SGMS2: variants seen among roughly 807,000 people sequenced by gnomAD.
SGMS2 encodes sphingomyelin synthase 2.
A neutral mutation model predicts 43.8 loss-of-function variants in SGMS2; 21 were observed. The observed-to-expected ratio is 0.48, with a 90% confidence interval of 0.34 to 0.69. SGMS2 has a LOEUF of 0.69. SGMS2 is among the 30% of genes least tolerant of loss of function. The pLI is 0.01. For missense variants in SGMS2, 384 were observed against 443.2 expected (o/e 0.87, Z 1.20); for synonymous variants, 167 against 160.6 (o/e 1.04, Z -0.30).
rs550805400 is a variant in SGMS2 at position 107,910,505 on chromosome 4, G to T, written c.1050G>T (p.Lys350Asn). The change falls in exon 7 of 7, where the codon AAG becomes AAT. Residue 350 changes from lysine to asparagine, a missense_variant. Coordinates refer to ENST00000690982, the MANE Select transcript of SGMS2 (RefSeq NM_001375905.1). ...GCTGCTTCAAATCATCATGCAAAAA[G>T]TATTCACGGGTTCAGAAGATTGGTG... ...PPGCFKSSCK[K>N]YSRVQKIGED... The T allele has an allele frequency of 2.5e-6, 4 of 1,613,902 alleles. No homozygotes were observed. Among genetic ancestry groups the T allele is most frequent in the Non-Finnish European group, 3.4e-6 (4 of 1,179,980 alleles).
chr4:107,893,358 T>C (rs1408928145), intron 2 of SGMS2: 4 of 152,058 alleles, frequency 2.6e-5, no homozygotes, highest in African/African-American at 7.2e-5. Flanking sequence ...TGAAGGGAAT[T>C]TGGATGATGA....
At chr4:107,893,843 C>G (rs1730442746) in intron 2 of SGMS2, among the ~76,000 whole-genome samples, 1 of 152,190 alleles carries the variant, frequency 6.6e-6, no homozygotes, top group African/African-American at 2.4e-5. Flanking sequence ...ACCTAGTGAT[C>G]AGCTCATCCC....
chr4:107,852,569 C>T (rs192262113), intron 1 of SGMS2, among the ~76,000 whole-genome samples: 5 of 152,188 alleles, frequency 3.3e-5, no homozygotes, highest in Admixed American at 1.3e-4. Flanking sequence ...TTTACACATG[C>T]AACTTGTAGA....
At chr4:107,905,408 C>T (rs994762518) in intron 5 of SGMS2, among the ~76,000 whole-genome samples, 3 of 152,136 alleles carry the variant, frequency 2.0e-5, no homozygotes, top group Admixed American at 1.3e-4. Flanking sequence ...ATGGGAGCTA[C>T]AATTCAAGAT....
chr4:107,890,955 A>G (rs533835757), intron 2 of SGMS2, among the ~76,000 whole-genome samples: 2 of 152,256 alleles, frequency 1.3e-5, no homozygotes, highest in South Asian at 4.1e-4. Context: ...CATGGTGGGA[A>G]AAAAAAGGCA....
chr4:107,910,275 G>A (rs1206607793), intron 6 of SGMS2, 75 bp from the exon 7 acceptor site: 4 of 1,276,502 alleles, frequency 3.1e-6, no homozygotes, highest in African/African-American at 1.5e-5. Context: ...TACAGTGAAT[G>A]ACAATTTAAG....
chr4:107,833,645 C>A (rs1021834455), intron 1 of SGMS2, among the ~76,000 whole-genome samples: 3 of 150,902 alleles, frequency 2.0e-5, no homozygotes, highest in Non-Finnish European at 4.4e-5. Context: ...TTCCAAAATT[C>A]AAAAAAAAAT....
At chr4:107,836,778 A>G (rs905663078) in intron 1 of SGMS2, among the ~76,000 whole-genome samples, 1 of 152,202 alleles carries the variant, frequency 6.6e-6, no homozygotes, top group Non-Finnish European at 1.5e-5. Context: ...ACATTACTTG[A>G]TATCAAATAT....
intron 4 of SGMS2, among the ~76,000 whole-genome samples, chr4:107,900,122 C>G (rs1730997583): frequency 6.6e-6 from 1 of 151,970 alleles, no homozygotes; most frequent in Non-Finnish European, 1.5e-5. Context: ...AGGTGATTGT[C>G]ACAAGCAGAA....
At chr4:107,839,472 G>A (rs545829039) in intron 1 of SGMS2, among the ~76,000 whole-genome samples, 1 of 152,064 alleles carries the variant, frequency 6.6e-6, no homozygotes, top group Non-Finnish European at 1.5e-5. Flanking sequence ...TTGCTGTGGA[G>A]ATATTAAGTG....
At chr4:107,873,234 AT>A (rs1314809584) in intron 2 of SGMS2, 3 of 152,312 alleles carry the variant, frequency 2.0e-5, no homozygotes, top group Non-Finnish European at 1.5e-5. Context: ...ATTTGGAAAT[AT>A]TTAGTCACAA....
At chr4:107,881,252 T>G (rs1729317130) in intron 2 of SGMS2, among the ~76,000 whole-genome samples, 2 of 152,016 alleles carry the variant, frequency 1.3e-5, no homozygotes. Context: ...AAGTTGAAAT[T>G]TAAGAAATGA....
Position 107,899,668 on chromosome 4 carries a change from A to C in SGMS2, c.549A>C (p.Gly183=). ...TMYVTTLPVP[G]MHFQCAPKLN... ...ATGTTACTACTCTACCTGTGCCTGG[A>C]ATGCATTTCCAGTGTGCTCCAAAGG... Residue 183 remains glycine, a synonymous_variant, in exon 4 of 7, where the codon GGA becomes GGC. Coordinates refer to ENST00000690982, the MANE Select transcript of SGMS2 (RefSeq NM_001375905.1). 1 of 1,612,518 alleles carries C rather than the reference A, an allele frequency of 6.2e-7. No homozygotes were observed. Among genetic ancestry groups the C allele is most frequent in the Non-Finnish European group, 8.5e-7 (1 of 1,179,286 alleles).
intron 2 of SGMS2, among the ~76,000 whole-genome samples, chr4:107,881,850 G>A (rs1469781905): frequency 6.6e-6 from 1 of 152,102 alleles, no homozygotes; most frequent in Non-Finnish European, 1.5e-5. Flanking sequence ...TCCCACAAAT[G>A]AGTGGGAACA....
intron 1 of SGMS2, among the ~76,000 whole-genome samples, chr4:107,847,595 G>A (rs1048827375): frequency 2.6e-5 from 4 of 151,994 alleles, no homozygotes; most frequent in South Asian, 4.1e-4. Flanking sequence ...TTGGCGATGC[G>A]GGCTGTTTTT....
intron 3 of SGMS2, among the ~76,000 whole-genome samples, chr4:107,898,870 G>A (rs527915491): frequency 1.4e-4 from 22 of 152,122 alleles, no homozygotes; most frequent in Non-Finnish European, 2.6e-4. Context: ...TGACTTGTGG[G>A]ATTTTTTTAT....
chr4:107,832,697 A>G (rs369271782), intron 1 of SGMS2, among the ~76,000 whole-genome samples: 2 of 152,166 alleles, frequency 1.3e-5, no homozygotes, highest in South Asian at 2.1e-4. Context: ...CATGTGGAGG[A>G]TTACAACTAG....
intron 2 of SGMS2, among the ~76,000 whole-genome samples, chr4:107,892,874 T>G (rs1730346466): frequency 6.6e-6 from 1 of 152,120 alleles, no homozygotes; most frequent in Non-Finnish European, 1.5e-5. Context: ...TTTAGCTGAG[T>G]GATTTTGGGA....
In SGMS2 at chr4:107,906,181, G is replaced by A. The variant is rs150644116; in HGVS notation, c.728-2384G>A. 9.1e-3 allele frequency among the ~76,000 whole-genome samples: 1,392 copies of A among 152,260 alleles called. 16 individuals carry two copies. Among genetic ancestry groups the A allele is most frequent in the African/African-American group, 0.032 (1,337 of 41,546 alleles). The stretch of plus-strand genomic sequence containing the variant: ...GAAAAGTCTGCTTCTAGAATTAGAT[G>A]TATCATTTATATATATATTTTTTTA... On this transcript the variant is annotated intron_variant, in intron 5 of 6. Coordinates refer to ENST00000690982, the MANE Select transcript of SGMS2 (RefSeq NM_001375905.1).
Sources: allele counts gnomAD v4.1 joint callset (sites outside exome capture counted in the v4.1 genomes callset), GRCh38; gene constraint gnomAD v4.1.1; transcripts MANE v1.5; gene names NCBI Gene and HGNC (gene_info 2026-07-23, HGNC 2026-07-21).